ODAD4: variants seen among roughly 807,000 people sequenced by gnomAD.
The protein encoded by ODAD4 is outer dynein arm-docking complex subunit 4.
In ODAD4, 49 loss-of-function variants were observed where a neutral mutation model predicts 51.8. The observed-to-expected ratio is 0.95, with a 90% CI of 0.75 to 1.20. The LOEUF is 1.20. Among genes scored for constraint, ODAD4 ranks in the 50% most tolerant of loss-of-function variants. ODAD4 has a pLI of 0.00. For synonymous variants in ODAD4, 235 were observed against 221.3 expected, an observed-to-expected ratio of 1.06 and a Z score of -0.55; for missense variants, 590 against 586.5, an observed-to-expected ratio of 1.01 and a Z score of -0.06.
intron 8 of ODAD4, among the ~76,000 whole-genome samples, chr17:41,948,321 C>CCT (rs2050613275): frequency 7.2e-6 from 1 of 139,268 alleles, no homozygotes; most frequent in African/African-American, 2.7e-5. Context: ...TCTTTCTTTC[C>CCT]TTTTTTTTTT....
chr17:41,941,599 T>C (rs550638254), intron 7 of ODAD4, among the ~76,000 whole-genome samples: 149 of 151,898 alleles, frequency 9.8e-4, no homozygotes, highest in Non-Finnish European at 1.8e-3. Context: ...CCATCTCTAC[T>C]AAAAATACAA....
chr17:41,937,839 T>G (rs991457834), intron 5 of ODAD4, among the ~76,000 whole-genome samples: 12 of 152,190 alleles, frequency 7.9e-5, no homozygotes, highest in African/African-American at 2.9e-4. Flanking sequence ...GAGATGAATG[T>G]CCCACATCAA....
At position 41,961,467 on chromosome 17, in the gene ODAD4, G is replaced by T. The variant is rs190507448; in HGVS notation, c.1528+1G>T. On this transcript the variant is annotated splice_donor_variant, in intron 11 of 11. Transcript: ENST00000377540. LOFTEE classifies it high-confidence loss of function. ...AATCTCAAAGAAAAAAGCGAGGGAG[G>T]TGAGTTCCTGAAACTCTGAAAAGGC... The T allele has an allele frequency of 2.2e-4, 161 of 724,562 alleles. 1 individual carries two copies. The East Asian group carries it at 3.8e-3, about 17-fold the overall frequency. The allele number at this position is 724,562 out of a possible 1,614,324, so 44.9% of individuals were successfully genotyped here. A position where few individuals can be genotyped will look rare whatever the true frequency, so the allele number is the denominator to read the frequency against.
intron 3 of ODAD4, 52 bp from the exon 4 acceptor site, chr17:41,936,421 A>G (rs2050427407): frequency 1.5e-6 from 2 of 1,311,446 alleles, no homozygotes. Flanking sequence ...ATATGTGATA[A>G]GTCATGCCTG....
Position 41,936,803 on chromosome 17 carries a change from C to T in ODAD4, c.501C>T (p.Leu167=). ...AGAAGCCTCAGCCCATGAAACACCT[C>T]TTACACCCCACCAAGGGAGAGCCCA... ...AQQKPQPMKH[L]LHPTKGEPKW... The change falls in exon 5 of 12, where the codon CTC becomes CTT. Residue 167 remains leucine (L), a synonymous_variant. Transcript: ENST00000377540. The T allele has an allele frequency of 6.2e-7, 1 of 1,614,020 alleles. No individual in the cohort carries two copies. Among genetic ancestry groups the T allele is most frequent in the African/African-American group, 1.3e-5 (1 of 75,058 alleles).
At chr17:41,946,124 G>A (rs782762514) in intron 8 of ODAD4, among the ~76,000 whole-genome samples, 2 of 152,202 alleles carry the variant, frequency 1.3e-5, no homozygotes, top group African/African-American at 2.4e-5. Flanking sequence ...GAAGTGGCAT[G>A]CATGCTTATC....
At chr17:41,964,900 C>A in intron 11 of ODAD4, 93 bp from the exon 12 acceptor site, 1 of 612,800 alleles carries the variant, frequency 1.6e-6, no homozygotes, top group Non-Finnish European at 2.9e-6. Context: ...GCCTCAGCCT[C>A]CCAAAGTGCT....
intron 8 of ODAD4, among the ~76,000 whole-genome samples, chr17:41,946,002 C>A (rs974379589): frequency 1.8e-4 from 27 of 152,180 alleles, no homozygotes; most frequent in Non-Finnish European, 2.4e-4. Flanking sequence ...TAACCTTGAT[C>A]CTAGGACTTT....
intron 9 of ODAD4, among the ~76,000 whole-genome samples, chr17:41,951,233 C>T (rs915733210): frequency 2.9e-4 from 43 of 148,864 alleles, no homozygotes; most frequent in South Asian, 4.3e-4. Context: ...TACAGGCGTG[C>T]GCCACCACAC....
At position 41,949,169 on chromosome 17, in the gene ODAD4, C is replaced by T. The variant is rs962094670; in HGVS notation, c.1162C>T (p.Pro388Ser). The change falls in exon 9 of 12, where the codon CCT (proline) becomes TCT (serine). Residue 388 changes from proline to serine, a missense_variant. By Grantham distance (74) the Pro-to-Ser change is moderately conservative (BLOSUM62 -1). Coordinates refer to ENST00000377540, the MANE Select transcript of ODAD4 (RefSeq NM_031421.5). ...TGTCCCCAGGTGGGAAGAAAAGATC[C>T]CTCTGGCAAAAACCACCCTGGAGAA... ...QAIDTWEEKI[P>S]LAKTTLEKTW... 7.3e-5 allele frequency: 29 copies of T among 398,518 alleles called. No individual in the cohort carries two copies. The highest frequency in any genetic ancestry group is 4.9e-4 in the African/African-American group (24 of 48,708). 24.7% of individuals were successfully genotyped at this position (398,518 alleles called of 1,614,324 possible).
rs2050409942 is a variant in ODAD4 at position 41,935,329 on chromosome 17, G to C, written c.227G>C (p.Ser76Thr). ...SLKDAEASLQ[S>T]DPAFCKGILQ... Reference sequence around the variant, plus strand: ...AAGGATGCTGAGGCTTCGCTCCAGAGTGACCCAGCTTTCTGTAAGGTGACT... The same window carrying C: ...AAGGATGCTGAGGCTTCGCTCCAGACTGACCCAGCTTTCTGTAAGGTGACT... Residue 76 changes from serine to threonine, a missense_variant, in exon 2 of 12, where the codon AGT becomes ACT. Ser to Thr is a moderately conservative substitution (Grantham distance 58). Transcript: ENST00000377540. 1 of 1,613,954 alleles carries C rather than the reference G, an allele frequency of 6.2e-7. No individual in the cohort carries two copies. Among genetic ancestry groups the C allele is most frequent in the Non-Finnish European group, 8.5e-7 (1 of 1,179,882 alleles).
chr17:41,952,675 C>T (rs1555640363), intron 9 of ODAD4: 1 of 517,276 alleles, frequency 1.9e-6, no homozygotes, highest in South Asian at 1.4e-5. Context: ...GAAAGGAATA[C>T]TGCGACTCCA....
chr17:41,935,376 C>T (rs1555637570), intron 2 of ODAD4, 28 bp downstream of exon 2: 5 of 1,607,026 alleles, frequency 3.1e-6, no homozygotes, highest in Middle Eastern at 1.7e-4. Context: ...AGGACTGGAT[C>T]CTGCCATTGC....
intron 4 of ODAD4, 31 bp downstream of exon 4, chr17:41,936,565 T>C (rs2050430942): frequency 1.3e-6 from 2 of 1,597,754 alleles, no homozygotes; most frequent in Non-Finnish European, 1.7e-6. Flanking sequence ...GTTGTATCCC[T>C]CCAAGGGAAG....
rs891416237 is a variant in ODAD4 at position 41,964,973 on chromosome 17, G to A, written c.1529-20G>A. The A allele has an allele frequency of 1.5e-6, 1 of 684,252 alleles. No individual in the cohort carries two copies. Among genetic ancestry groups the A allele is most frequent in the Non-Finnish European group, 2.7e-6 (1 of 369,162 alleles). 42.4% of individuals were successfully genotyped at this position (684,252 alleles called of 1,614,324 possible). A position where few individuals can be genotyped will look rare whatever the true frequency, so the allele number is the denominator to read the frequency against. ...TGAACAAACTTTTATCTTTCTTCCC[G>A]CTTTTCTCTTATTTTTCAGAAGCTT... On this transcript the variant is annotated intron_variant, in intron 11 of 11. Transcript: ENST00000377540.
chr17:41,936,485 T>C lies in ODAD4; in HGVS notation c.410T>C (p.Ile137Thr), dbSNP rs2050428933. 6.2e-7 allele frequency: 1 copy of C among 1,613,040 alleles called. No homozygotes were observed. The highest frequency in any genetic ancestry group is 8.5e-7 in the Non-Finnish European group (1 of 1,179,616). The part of the protein sequence containing the change: ...INNSVGSPSS[I>T]KLENKGDLSF... ...TCTTTCCTTGCAGGTCCTTCTTCCA[T>C]TAAGCTGGAGAACAAAGGGGACCTC... Residue 137 changes from isoleucine (I) to threonine (T), a missense_variant, in exon 4 of 12, where the codon ATT becomes ACT. Coordinates refer to ENST00000377540, the MANE Select transcript of ODAD4 (RefSeq NM_031421.5).
rs561600194 is a variant in ODAD4, at chr17:41,935,632, A to G, written c.280A>G (p.Met94Val). ...ILQKAETLYT[M>V]GDFEFALVFY... ...GCAAAAGGCTGAGACACTGTACACCATGGGAGACTTTGAGTTTGCCTTGGT... is the reference window on the plus strand; with the variant it reads ...GCAAAAGGCTGAGACACTGTACACCGTGGGAGACTTTGAGTTTGCCTTGGT... The change falls in exon 3 of 12, where the codon ATG (methionine) becomes GTG (valine). Residue 94 changes from methionine (M) to valine (V), a missense_variant. Physicochemically the swap from Met to Val is conservative, Grantham distance 21 (BLOSUM62 1). Transcript: ENST00000377540. 6.2e-6 allele frequency: 10 copies of G among 1,613,286 alleles called. No homozygotes were observed. Among genetic ancestry groups the G allele is most frequent in the South Asian group, 5.5e-5 (5 of 90,872 alleles).
At chr17:41,932,711 A>AT (rs1448987148) in intron 1 of ODAD4, among the ~76,000 whole-genome samples, 2 of 140,214 alleles carry the variant, frequency 1.4e-5, no homozygotes, top group Non-Finnish European at 3.0e-5. Context: ...CGCCTGGCTA[A>AT]TTTTTTCTTT....
chr17:41,958,304 A>T (rs532364275), intron 10 of ODAD4, among the ~76,000 whole-genome samples: 4 of 152,074 alleles, frequency 2.6e-5, no homozygotes, highest in African/African-American at 4.8e-5. Flanking sequence ...CACGTTGTGC[A>T]CTTGTAATTG....
Sources: allele counts gnomAD v4.1 joint callset (sites outside exome capture counted in the v4.1 genomes callset), GRCh38; gene constraint gnomAD v4.1.1; transcripts MANE v1.5; gene names NCBI Gene and HGNC (gene_info 2026-07-23, HGNC 2026-07-21).